Variants in PDIA6 observed in about 807,000 individuals in gnomAD.
PDIA6 encodes the protein protein disulfide-isomerase A6.
Under a neutral mutation model 58.4 loss-of-function variants are expected in PDIA6, and 29 were observed. That is an observed-to-expected ratio of 0.50 (90% confidence interval 0.37 to 0.68). PDIA6 has a LOEUF of 0.68. Ranked by LOEUF, PDIA6 falls within the 30% of genes least tolerant of loss-of-function variation. PDIA6 has a pLI of 0.00. For synonymous variants in PDIA6, 192 were observed against 202.6 expected (o/e 0.95, Z 0.44); for missense variants, 480 against 551.0 (o/e 0.87, Z 1.29).
intron 1 of PDIA6, chr2:10,810,500 A>G (rs1666959059): frequency 7.9e-7 from 1 of 1,268,008 alleles, no homozygotes; most frequent in Non-Finnish European, 1.0e-6. Flanking sequence ...CTTTACTGAC[A>G]GTATTAAGAT....
chr2:10,834,716 TCCC>T (rs1667787403), upstream of PDIA6, among the ~76,000 whole-genome samples: 3 of 19,956 alleles, frequency 1.5e-4, no homozygotes, highest in African/African-American at 5.3e-4. Flanking sequence ...CCTCCCTCCC[TCCC>T]TCCCTTCCTT....
intron 1 of PDIA6, among the ~76,000 whole-genome samples, chr2:10,803,242 C>A (rs1457817620): frequency 1.3e-5 from 2 of 152,240 alleles, no homozygotes; most frequent in Non-Finnish European, 2.9e-5. Flanking sequence ...ACCACAACCT[C>A]CGCCTCCCAG....
chr2:10,834,726 CCTTCCCTCCTTCCTTCCTTCCTTCCTT>C (rs746684344), upstream of PDIA6, among the ~76,000 whole-genome samples: 2,113 of 17,222 alleles, frequency 0.12, 89 homozygotes, highest in South Asian at 0.25. Context: ...TCCCTCCCTT[CCTTCCCTCCTTCCTTCCTTCCTTCCTT>C]CCTTCCTTCC....
intron 1 of PDIA6, 142 bp downstream of exon 1, chr2:10,812,536 G>C (rs2148566802): frequency 4.8e-6 from 4 of 830,308 alleles, no homozygotes; most frequent in East Asian, 3.7e-5. Flanking sequence ...CAGCTCCTCC[G>C]GACGCCGAGG....
chr2:10,792,287 T>TA (rs1666071370), intron 5 of PDIA6, among the ~76,000 whole-genome samples: 2 of 152,224 alleles, frequency 1.3e-5, no homozygotes, highest in Non-Finnish European at 2.9e-5. Flanking sequence ...GATGTTATGT[T>TA]ACATCTTTCA....
chr2:10,829,520 C>T (rs556531207), intron 1 of PDIA6, among the ~76,000 whole-genome samples: 2 of 152,326 alleles, frequency 1.3e-5, no homozygotes, highest in Admixed American at 6.5e-5. Context: ...CCAGGAACTG[C>T]CCTTGTTAGA....
At position 10,810,250 on chromosome 2, in the gene PDIA6, C is replaced by A. The variant is rs746689059; in HGVS notation, c.19+2428G>T. On this transcript the variant is annotated intron_variant, in intron 1 of 12. Coordinates refer to ENST00000272227, the MANE Select transcript of PDIA6 (RefSeq NM_005742.4). ...ACAGAAAGGATAACTTACCTAAGAT[C>A]ATATAATTAGATAGACCCAAATTTC... The A allele has an allele frequency of 2.7e-6, 4 of 1,465,098 alleles. No homozygotes were observed. In the South Asian group the frequency reaches 4.8e-5, roughly 18 times the overall value. The allele number at this position is 1,465,098 out of a possible 1,614,324, so 90.8% of individuals were successfully genotyped here.
chr2:10,819,639 G>A (rs1014639090), intron 1 of PDIA6, among the ~76,000 whole-genome samples: 8 of 152,136 alleles, frequency 5.3e-5, no homozygotes, highest in Non-Finnish European at 8.8e-5. Flanking sequence ...TTCCAACCCA[G>A]GGCCTTCTGG....
chr2:10,829,788 G>A (rs906216182), intron 1 of PDIA6, among the ~76,000 whole-genome samples: 1 of 152,124 alleles, frequency 6.6e-6, no homozygotes, highest in Non-Finnish European at 1.5e-5. Flanking sequence ...TTTTGGAGGT[G>A]AGCTCTGAAG....
At chr2:10,828,392 C>T (rs1203171693) in intron 1 of PDIA6, among the ~76,000 whole-genome samples, 5 of 152,192 alleles carry the variant, frequency 3.3e-5, no homozygotes, top group African/African-American at 1.2e-4. Context: ...TTGTCATTTC[C>T]CCTTTAAGAA....
Position 10,829,438 on chromosome 2 carries a change from A to T in PDIA6, c.-48+2764T>A, listed in dbSNP as rs1686486. On this transcript the variant is annotated intron_variant, in intron 1 of 13. Coordinates refer to the PDIA6 transcript ENST00000381611. ...CTCCTTCCATTGCCTGCTATTGCCT[A>T]TAATTTGGCCAAAAGCCATAATAAC... Among the ~76,000 whole-genome samples, 458 of 152,200 alleles carry T rather than the reference A, an allele frequency of 3.0e-3. 3 individuals carry two copies. Among genetic ancestry groups the T allele is most frequent in the African/African-American group, 0.01 (435 of 41,512 alleles).
rs1283823871 is a variant in PDIA6, at chr2:10,806,649, A to AGAAAGAAAGAAAGAAAGAAAGAAAG, written c.20-4010_20-4009insCTTTCTTTCTTTCTTTCTTTCTTTC. ...AAGACAGAAAGAAAGAAAGAAAGAA[A>AGAAAGAAAGAAAGAAAGAAAGAAAG]AACGTTACAGTAAATTAAGGTTAAT... On this transcript the variant is annotated intron_variant, in intron 1 of 12. Transcript: ENST00000272227. 1.9e-4 allele frequency among the ~76,000 whole-genome samples: 25 copies of AGAAAGAAAGAAAGAAAGAAAGAAAG among 134,260 alleles called. 1 individual carries two copies. The highest frequency in any genetic ancestry group is 4.0e-3 in the Middle Eastern group (1 of 252). The allele number at this position is 134,260 out of a possible 152,430, so 88.1% of individuals were successfully genotyped here.
At chr2:10,798,573 CAA>C (rs71392259) in intron 2 of PDIA6, among the ~76,000 whole-genome samples, 21,582 of 133,154 alleles carry the variant, frequency 0.16, 1,967 homozygotes, top group Non-Finnish European at 0.22. Context: ...GTCCCCCACC[CAA>C]AAAAAAAAAA....
At chr2:10,831,610 G>GC (rs1156454124) in intron 1 of PDIA6, among the ~76,000 whole-genome samples, 2 of 152,164 alleles carry the variant, frequency 1.3e-5, no homozygotes, top group African/African-American at 4.8e-5. Context: ...GCTACGATGT[G>GC]CCCCTCGCCT....
intron 11 of PDIA6, among the ~76,000 whole-genome samples, chr2:10,785,922 C>G (rs1430950084): frequency 2.0e-5 from 3 of 151,240 alleles, no homozygotes; most frequent in Non-Finnish European, 4.4e-5. Context: ...CCGTGGTGGC[C>G]AGCCTGGTCT....
intron 11 of PDIA6, among the ~76,000 whole-genome samples, chr2:10,785,285 A>G (rs1326275763): frequency 1.3e-5 from 2 of 152,234 alleles, no homozygotes; most frequent in African/African-American, 4.8e-5. Flanking sequence ...GTAAGCTTTT[A>G]AAAATAGCAG....
At chr2:10,820,172 T>C (rs1667340972) in intron 1 of PDIA6, among the ~76,000 whole-genome samples, 1 of 152,122 alleles carries the variant, frequency 6.6e-6, no homozygotes, top group African/African-American at 2.4e-5. Flanking sequence ...AGCGGAAGTT[T>C]AATAGATGAA....
chr2:10,827,635 C>T (rs150663971), intron 1 of PDIA6, among the ~76,000 whole-genome samples: 656 of 151,948 alleles, frequency 4.3e-3, no homozygotes, highest in Non-Finnish European at 7.1e-3. Context: ...ACCAGCCTGG[C>T]CAACATGGTG....
chr2:10,820,679 C>T (rs1667357076), intron 1 of PDIA6: 2 of 675,784 alleles, frequency 3.0e-6, no homozygotes, highest in South Asian at 1.5e-5. Context: ...CTTTTGTCCT[C>T]ACTATCTGTC....
Sources: gnomAD v4.1 joint callset for allele counts (sites outside exome capture counted in the v4.1 genomes callset) on GRCh38, gnomAD v4.1.1 for gene constraint, MANE v1.5 for transcripts, NCBI Gene and HGNC (gene_info 2026-07-23, HGNC 2026-07-21) for gene names.